RBFOX3: variants seen among roughly 807,000 people sequenced by gnomAD.
RBFOX3 encodes the protein RNA binding fox-1 homolog 3.
Under a neutral mutation model 48.7 loss-of-function variants are expected in RBFOX3, and 17 were observed. The ratio of observed to expected loss-of-function variants is 0.35; its 90% confidence interval spans 0.24 to 0.52. The LOEUF is 0.52. Ranked by LOEUF, RBFOX3 falls within the 20% of genes least tolerant of loss-of-function variation. RBFOX3 has a pLI of 0.94. For missense variants in RBFOX3, 382 were observed against 497.5 expected, an observed-to-expected ratio of 0.77 and a Z score of 2.21; for synonymous variants, 212 against 209.5, an observed-to-expected ratio of 1.01 and a Z score of -0.10.
intron 4 of RBFOX3, among the ~76,000 whole-genome samples, chr17:79,143,579 T>G (rs1167433225): frequency 6.6e-6 from 1 of 152,110 alleles, no homozygotes; most frequent in Admixed American, 6.5e-5. Context: ...GCCACCAGAA[T>G]CGGGGTTCTC....
intron 4 of RBFOX3, among the ~76,000 whole-genome samples, chr17:79,120,196 G>A (rs1291485015): frequency 2.0e-5 from 3 of 152,146 alleles, no homozygotes; most frequent in Non-Finnish European, 4.4e-5. Context: ...TCAGAGAATG[G>A]GGACCACTTC....
Position 79,249,241 on chromosome 17 carries a change from C to T in RBFOX3, c.-73-13436G>A, listed in dbSNP as rs2063594253. On this transcript the variant is annotated intron_variant, in intron 3 of 14. Coordinates refer to ENST00000693108, the MANE Select transcript of RBFOX3 (RefSeq NM_001350451.2). This position sits in a 1 kb window ranked among gnomAD's most constrained non-coding sequence, Gnocchi z 4.1. ...GCCAAGCGCGCTCAGGTCTTCAAAGCCACCGTTTGTGCTTGGGCTGCGGAT... is the reference window on the plus strand; with the variant it reads ...GCCAAGCGCGCTCAGGTCTTCAAAGTCACCGTTTGTGCTTGGGCTGCGGAT... 6.6e-6 allele frequency among the ~76,000 whole-genome samples: 1 copy of T among 152,186 alleles called. No homozygotes were observed. Among genetic ancestry groups the T allele is most frequent in the African/African-American group, 2.4e-5 (1 of 41,454 alleles).
At chr17:79,420,125 T>TCTCA (rs1555721297) in intron 2 of RBFOX3, among the ~76,000 whole-genome samples, 4 of 25,232 alleles carry the variant, frequency 1.6e-4, no homozygotes, top group East Asian at 8.2e-4. Flanking sequence ...AGACTCCGTC[T>TCTCA]CATACACACA....
intron 4 of RBFOX3, among the ~76,000 whole-genome samples, chr17:79,121,044 C>A (rs9906004): frequency 0.17 from 26,273 of 151,920 alleles, 2,344 homozygotes; most frequent in East Asian, 0.22. Flanking sequence ...CTCAACCTTC[C>A]AAATATTCTC....
intron 2 of RBFOX3, among the ~76,000 whole-genome samples, chr17:79,327,264 C>A (rs978411233): frequency 6.6e-6 from 1 of 152,222 alleles, no homozygotes; most frequent in Non-Finnish European, 1.5e-5. Flanking sequence ...GATGATCACA[C>A]CCTTGAGGGT....
At chr17:79,166,621 A>G (rs553300979) in intron 4 of RBFOX3, among the ~76,000 whole-genome samples, 2 of 150,516 alleles carry the variant, frequency 1.3e-5, no homozygotes, top group Non-Finnish European at 3.0e-5. Flanking sequence ...CCCAGCCCCT[A>G]TGAACATGCA....
intron 2 of RBFOX3, among the ~76,000 whole-genome samples, chr17:79,455,517 G>T (rs1277787736): frequency 6.6e-6 from 1 of 152,076 alleles, no homozygotes; most frequent in Non-Finnish European, 1.5e-5. Flanking sequence ...GATGCCACGG[G>T]GCCCGTGAAA....
At chr17:79,621,617 G>A in the RBFOX3 span, among the ~76,000 whole-genome samples, 1 of 152,144 alleles carries the variant, frequency 6.6e-6, no homozygotes, top group Non-Finnish European at 1.5e-5. Context: ...GATGACTGTC[G>A]GGTCAATGTC....
At chr17:79,378,247 T>C (rs555764506) in intron 2 of RBFOX3, among the ~76,000 whole-genome samples, 1 of 151,666 alleles carries the variant, frequency 6.6e-6, no homozygotes, top group Non-Finnish European at 1.5e-5. Context: ...GAACTGAGCC[T>C]CTCCCACTGG....
intron 4 of RBFOX3, among the ~76,000 whole-genome samples, chr17:79,209,929 G>A (rs992813292): frequency 7.9e-5 from 12 of 151,482 alleles, no homozygotes; most frequent in Non-Finnish European, 1.2e-4. Flanking sequence ...CCTGGGAGGC[G>A]GAGCTTGCAG....
intron 4 of RBFOX3, among the ~76,000 whole-genome samples, chr17:79,185,223 A>G (rs950861990): frequency 2.6e-5 from 4 of 152,182 alleles, no homozygotes; most frequent in Admixed American, 6.5e-5. Flanking sequence ...CTGACCTGCA[A>G]TCCTGCTCTG....
chr17:79,624,560 C>T, the RBFOX3 span, among the ~76,000 whole-genome samples: 7 of 152,166 alleles, frequency 4.6e-5, no homozygotes, highest in Admixed American at 2.6e-4. Flanking sequence ...CCAGCAAGTC[C>T]GAACTAAATC....
the RBFOX3 span, among the ~76,000 whole-genome samples, chr17:79,627,256 T>C: frequency 6.6e-6 from 1 of 152,200 alleles, no homozygotes. Flanking sequence ...CTCCACCTGA[T>C]GCCACCTTCC....
chr17:79,550,171 G>A (rs563653559), intron 1 of RBFOX3, among the ~76,000 whole-genome samples: 1 of 152,254 alleles, frequency 6.6e-6, no homozygotes, highest in East Asian at 1.9e-4. Context: ...CAGGGACTTG[G>A]GGAAAAAGAG....
intron 2 of RBFOX3, among the ~76,000 whole-genome samples, chr17:79,439,956 C>T (rs1245142117): frequency 2.0e-5 from 3 of 152,164 alleles, no homozygotes; most frequent in Non-Finnish European, 2.9e-5. Context: ...ATAGGAGAGG[C>T]GTCAGAGAAG....
chr17:79,556,957 G>A (rs1370727188), intron 1 of RBFOX3, among the ~76,000 whole-genome samples: 1 of 152,148 alleles, frequency 6.6e-6, no homozygotes, highest in Non-Finnish European at 1.5e-5. Flanking sequence ...CTGAGAAACT[G>A]ACAAGGCTAG....
At chr17:79,193,712 A>C (rs1463164968) in intron 4 of RBFOX3, among the ~76,000 whole-genome samples, 1 of 152,220 alleles carries the variant, frequency 6.6e-6, no homozygotes, top group Admixed American at 6.5e-5. Context: ...GAAGACTAGA[A>C]TCTTTACTGT....
At chr17:79,153,609 C>T (rs2612776) in intron 4 of RBFOX3, among the ~76,000 whole-genome samples, 101,893 of 152,094 alleles carry the variant, frequency 0.67, 34,396 homozygotes, top group East Asian at 0.73. Context: ...ACACCAAGCT[C>T]CCAGATTTCC....
At chr17:79,395,929 C>T (rs941123959) in intron 2 of RBFOX3, among the ~76,000 whole-genome samples, 3 of 152,212 alleles carry the variant, frequency 2.0e-5, no homozygotes, top group Non-Finnish European at 2.9e-5. Flanking sequence ...ATCCCTCACC[C>T]TTGGTCTGGG....
Sources: gnomAD v4.1 joint callset for allele counts (sites outside exome capture counted in the v4.1 genomes callset) on GRCh38, gnomAD v4.1.1 for gene constraint, Gnocchi (gnomAD v3.1) non-coding constraint, MANE v1.5 for transcripts, NCBI Gene and HGNC (gene_info 2026-07-23, HGNC 2026-07-21) for gene names.